Variants in ITIH5 observed in about 807,000 individuals in gnomAD.
The protein encoded by ITIH5 is inter-alpha-trypsin inhibitor heavy chain 5.
ITIH5 carries 65 observed loss-of-function variants against 77.5 expected under a neutral mutation model. The observed-to-expected ratio is 0.84, with a 90% confidence interval of 0.69 to 1.03. The LOEUF (loss-of-function observed/expected upper bound fraction) is 1.03, where lower values mean the gene tolerates loss of function less well. Among genes scored for constraint, ITIH5 ranks in the 50% least tolerant of loss-of-function variants. The pLI, the probability that ITIH5 is intolerant of heterozygous loss-of-function variation, is 0.00. For missense variants in ITIH5, 1,208 were observed against 1,213.1 expected, an observed-to-expected ratio of 1.00 and a Z score of 0.06; for synonymous variants, 525 against 494.3, an observed-to-expected ratio of 1.06 and a Z score of -0.82.
intron 12 of ITIH5, among the ~76,000 whole-genome samples, chr10:7,567,896 A>G (rs1269405234): frequency 6.6e-6 from 1 of 152,242 alleles, no homozygotes; most frequent in African/African-American, 2.4e-5. Flanking sequence ...ACCCTGCCTC[A>G]ATTTCCTTAT....
At chr10:7,568,927 G>A (rs1035126094) in intron 12 of ITIH5, among the ~76,000 whole-genome samples, 3 of 151,710 alleles carry the variant, frequency 2.0e-5, no homozygotes, top group African/African-American at 4.8e-5. Context: ...TGGCCTCCCC[G>A]GCATCACAGC....
intron 7 of ITIH5, among the ~76,000 whole-genome samples, chr10:7,589,644 C>A (rs1832752821): frequency 6.6e-6 from 1 of 151,996 alleles, no homozygotes; most frequent in Admixed American, 6.6e-5. Flanking sequence ...TCTCTGTTCT[C>A]TCCTCTGCTA....
At chr10:7,605,322 T>C (rs1833101296) in intron 7 of ITIH5, among the ~76,000 whole-genome samples, 1 of 151,422 alleles carries the variant, frequency 6.6e-6, no homozygotes, top group South Asian at 2.1e-4. Context: ...CTCACCCAAC[T>C]ACGCCCTCCT....
intron 5 of ITIH5, among the ~76,000 whole-genome samples, chr10:7,628,309 C>T (rs1833619974): frequency 6.6e-6 from 1 of 152,244 alleles, no homozygotes; most frequent in African/African-American, 2.4e-5. Context: ...CAGGCAACTA[C>T]CAATCTGCTT....
intron 5 of ITIH5, among the ~76,000 whole-genome samples, chr10:7,634,730 G>T (rs1297565954): frequency 6.6e-6 from 1 of 151,956 alleles, no homozygotes; most frequent in South Asian, 2.1e-4. Context: ...TTTCATTACT[G>T]CAACAGGACT....
At position 7,562,001 on chromosome 10, in the gene ITIH5, C is replaced by T. The variant is rs561123516; in HGVS notation, c.*1082G>A. On this transcript the variant is annotated 3_prime_UTR_variant, in exon 14 of 14. Coordinates refer to ENST00000397146, the MANE Select transcript of ITIH5 (RefSeq NM_030569.7). ...CATCAGGTTTGTCCAAGTTTTGGAA[C>T]CAAAGCCCCTGTCCACGAGCTGGTT... The T allele has an allele frequency of 2.0e-5, 3 of 152,296 alleles. No individual in the cohort carries two copies. The South Asian group carries it at 6.2e-4, about 32-fold the overall frequency. The allele number at this position is 152,296 out of a possible 1,614,324, so 9.4% of individuals were successfully genotyped here. A position where few individuals can be genotyped will look rare whatever the true frequency, so the allele number is the denominator to read the frequency against.
chr10:7,613,685 G>A (rs1004726920), intron 7 of ITIH5, among the ~76,000 whole-genome samples: 1 of 152,188 alleles, frequency 6.6e-6, no homozygotes, highest in African/African-American at 2.4e-5. Context: ...AAAAAAATCT[G>A]AGAGAAGATG....
At chr10:7,601,941 C>T (rs1276931745) in intron 7 of ITIH5, among the ~76,000 whole-genome samples, 1 of 152,130 alleles carries the variant, frequency 6.6e-6, no homozygotes, top group East Asian at 1.9e-4. Flanking sequence ...CAACCTCTAC[C>T]TCCCACGTTC....
At chr10:7,582,302 A>G (rs757233061) in intron 8 of ITIH5, among the ~76,000 whole-genome samples, 1 of 152,172 alleles carries the variant, frequency 6.6e-6, no homozygotes, top group Admixed American at 6.5e-5. Flanking sequence ...TGTTTGGTGG[A>G]TGGGGAGACA....
At chr10:7,662,056 T>G (rs1283234289) in intron 1 of ITIH5, among the ~76,000 whole-genome samples, 1 of 152,154 alleles carries the variant, frequency 6.6e-6, no homozygotes, top group Non-Finnish European at 1.5e-5. Flanking sequence ...GTTTATTTTA[T>G]TTACCTATAA....
intron 12 of ITIH5, among the ~76,000 whole-genome samples, chr10:7,568,360 C>T (rs930327833): frequency 4.6e-5 from 7 of 152,160 alleles, no homozygotes; most frequent in Non-Finnish European, 1.0e-4. Flanking sequence ...TGAGAAGAGC[C>T]TATGCTCTTC....
In ITIH5 at chr10:7,623,888, G is replaced by A. The variant is rs76138985; in HGVS notation, c.653-6606C>T. Among the ~76,000 whole-genome samples the A allele has an allele frequency of 8.6e-3, 1,297 of 150,790 alleles. 7 individuals carry two copies. The highest frequency in any genetic ancestry group is 0.014 in the Admixed American group (213 of 15,136). On this transcript the variant is annotated intron_variant, in intron 5 of 13. Transcript: ENST00000397146. ...GGGAAAGGATTTTTCTTCCCCCTACGTGAATGTTTGGTATTTTAAATCCTT... is the reference window on the plus strand; with the variant it reads ...GGGAAAGGATTTTTCTTCCCCCTACATGAATGTTTGGTATTTTAAATCCTT...
At chr10:7,657,422 A>G (rs1027086667) in intron 1 of ITIH5, among the ~76,000 whole-genome samples, 1 of 152,152 alleles carries the variant, frequency 6.6e-6, no homozygotes, top group African/African-American at 2.4e-5. Context: ...CCAGTATGCA[A>G]TCTTTTAATT....
At chr10:7,574,995 T>G (rs1564237779) in intron 10 of ITIH5, among the ~76,000 whole-genome samples, 1 of 152,052 alleles carries the variant, frequency 6.6e-6, no homozygotes, top group Non-Finnish European at 1.5e-5. Flanking sequence ...ATCTCATAGG[T>G]AGAAAGTGAT....
In ITIH5 at chr10:7,563,169, T is replaced by C; in HGVS notation, c.2743A>G (p.Ile915Val). The C allele has an allele frequency of 6.2e-7, 1 of 1,613,990 alleles. No individual in the cohort carries two copies. The highest frequency in any genetic ancestry group is 8.5e-7 in the Non-Finnish European group (1 of 1,179,826). Residue 915 changes from isoleucine (I) to valine (V), a missense_variant, in exon 14 of 14, where the codon ATT becomes GTT. Physicochemically the swap from Ile to Val is conservative, Grantham distance 29. Coordinates refer to ENST00000397146, the MANE Select transcript of ITIH5 (RefSeq NM_030569.7). ...AGGTAATCCTTGTACTCCCCGTCAA[T>C]CAGTTTGGCGGCATTGTTCCTGGCA... ...WFARNNAAKLIDGEYKDYLAS... is the reference protein window; with the variant it reads ...WFARNNAAKLVDGEYKDYLAS...
At chr10:7,630,115 T>C (rs1833689314) in intron 5 of ITIH5, among the ~76,000 whole-genome samples, 1 of 152,258 alleles carries the variant, frequency 6.6e-6, no homozygotes, top group Non-Finnish European at 1.5e-5. Context: ...TCAACAGGTG[T>C]AGTCGTATGA....
At chr10:7,601,917 A>G (rs918047125) in intron 7 of ITIH5, among the ~76,000 whole-genome samples, 2 of 151,958 alleles carry the variant, frequency 1.3e-5, no homozygotes, top group Non-Finnish European at 2.9e-5. Context: ...CAGTGGCTCA[A>G]TCTCAGCTCA....
At chr10:7,654,580 T>A (rs924404951) in intron 2 of ITIH5, among the ~76,000 whole-genome samples, 1 of 152,238 alleles carries the variant, frequency 6.6e-6, no homozygotes, top group African/African-American at 2.4e-5. Context: ...AAGGGCTCCT[T>A]TCACACAATG....
Position 7,655,695 on chromosome 10 carries a change from G to A in ITIH5, c.91-20C>T. ...TCCATCCTAGAAAAGAGAAGAGACT[G>A]TTAAAAAGGTGATTTTTAAAAGAGA... is the stretch of plus-strand genomic sequence containing the variant. On this transcript the variant is annotated intron_variant, in intron 1 of 13. Coordinates refer to ENST00000397146, the MANE Select transcript of ITIH5 (RefSeq NM_030569.7). 6.3e-7 allele frequency: 1 copy of A among 1,594,738 alleles called. No homozygotes were observed. Among genetic ancestry groups the A allele is most frequent in the African/African-American group, 1.3e-5 (1 of 74,636 alleles).
Sources: allele counts gnomAD v4.1 joint callset (sites outside exome capture counted in the v4.1 genomes callset), GRCh38; gene constraint gnomAD v4.1.1; transcripts MANE v1.5; gene names NCBI Gene and HGNC (gene_info 2026-07-23, HGNC 2026-07-21).